The following KIF3C variants were observed in gnomAD, a reference collection of about 807,000 sequenced individuals.
The protein encoded by KIF3C is kinesin family member 3C.
Under a neutral mutation model 67.7 loss-of-function variants are expected in KIF3C, and 12 were observed. That is an observed-to-expected ratio of 0.18 (90% CI 0.11 to 0.29). The LOEUF (loss-of-function observed/expected upper bound fraction) is 0.29. Ranked by LOEUF, KIF3C falls within the 10% of genes least tolerant of loss-of-function variation. KIF3C has a pLI of 1.00. For missense variants in KIF3C, 789 were observed against 1,059.6 expected, an observed-to-expected ratio of 0.74 and a Z score of 3.55; for synonymous variants, 393 against 426.2, an observed-to-expected ratio of 0.92 and a Z score of 0.96.
At chr2:25,964,067 G>C (rs1380724688) in intron 1 of KIF3C, among the ~76,000 whole-genome samples, 2 of 151,990 alleles carry the variant, frequency 1.3e-5, no homozygotes, top group African/African-American at 4.8e-5. Flanking sequence ...CAACACTTTC[G>C]GAGACCTAGG....
intron 1 of KIF3C, among the ~76,000 whole-genome samples, chr2:25,968,239 C>T (rs1664193626): frequency 1.3e-5 from 2 of 152,172 alleles, no homozygotes; most frequent in Non-Finnish European, 1.5e-5. Flanking sequence ...TCTGAGTCTC[C>T]GCCTTGGATG....
At chr2:25,962,484 G>A (rs1385256586) in intron 1 of KIF3C, among the ~76,000 whole-genome samples, 1 of 151,292 alleles carries the variant, frequency 6.6e-6, no homozygotes, top group Non-Finnish European at 1.5e-5. Flanking sequence ...GTTCAAATGA[G>A]TCTCCTGTCT....
intron 4 of KIF3C, among the ~76,000 whole-genome samples, chr2:25,953,654 C>G (rs867859423): frequency 4.7e-5 from 7 of 147,924 alleles, no homozygotes; most frequent in Admixed American, 1.4e-4. Context: ...GCCACTGCGC[C>G]CGGCCTTTTT....
chr2:25,948,590 G>GAGAAAGAGAAAGAA (rs1663504953), intron 5 of KIF3C, among the ~76,000 whole-genome samples: 2 of 148,382 alleles, frequency 1.3e-5, no homozygotes, highest in East Asian at 2.0e-4. Flanking sequence ...TAAAGAAAGG[G>GAGAAAGAGAAAGAA]AGAAAGAGAA....
At chr2:25,960,364 T>TACAGGC (rs1437291531) in intron 1 of KIF3C, among the ~76,000 whole-genome samples, 6 of 152,138 alleles carry the variant, frequency 3.9e-5, no homozygotes, top group Non-Finnish European at 7.4e-5. Context: ...GGGGCATGCA[T>TACAGGC]ATTATTAGCA....
intron 5 of KIF3C, among the ~76,000 whole-genome samples, chr2:25,930,667 A>G (rs2149220822): frequency 6.6e-6 from 1 of 152,226 alleles, no homozygotes; most frequent in South Asian, 2.1e-4. Flanking sequence ...CCTCCCGAGT[A>G]GCTTGGATTA....
chr2:25,977,685 A>C (rs77451757), intron 1 of KIF3C, among the ~76,000 whole-genome samples: 5,369 of 152,264 alleles, frequency 0.035, 169 homozygotes, highest in African/African-American at 0.086. Context: ...CCCTCGTGCT[A>C]ATGATCTCAT....
intron 1 of KIF3C, among the ~76,000 whole-genome samples, chr2:25,978,311 G>A (rs1322565584): frequency 6.6e-6 from 1 of 152,178 alleles, no homozygotes; most frequent in Non-Finnish European, 1.5e-5. Flanking sequence ...CCTTGGGGTT[G>A]TTGGGAGGAT....
In KIF3C at chr2:25,963,160, A is replaced by G. The variant is rs966173768; in HGVS notation, c.1546-6716T>C. Among the ~76,000 whole-genome samples, 649 of 75,910 alleles carry G rather than the reference A, an allele frequency of 8.5e-3. 31 individuals carry two copies. The highest frequency in any genetic ancestry group is 0.035 in the African/African-American group (603 of 17,356). The allele number at this position is 75,910 out of a possible 152,430, so 49.8% of individuals were successfully genotyped here. A position where few individuals can be genotyped will look rare whatever the true frequency, so the allele number is the denominator to read the frequency against. ...TATATGCATATATGTGTGTGTGTGT[A>G]TGTATGTGTGTGTGTATATATATAT... On this transcript the variant is annotated intron_variant, in intron 1 of 7. Transcript: ENST00000264712.
rs757145745 is a variant in KIF3C, at chr2:25,929,307, G to A, written c.2286C>T (p.Ser762=). ...PSTSKVRKSR[S]WCQSPQRPPP... is the part of the protein sequence containing the mutation. ...CCTGGGACCATGGAGGTACTGACCA[G>A]GATCTGGACTTTCGGACTTTAGACG... Residue 762 remains serine (S), a splice_region_variant and synonymous_variant, in exon 7 of 8, where the codon TCC becomes TCT. Transcript: ENST00000264712. 3 of 1,613,834 alleles carry A rather than the reference G, an allele frequency of 1.9e-6. No homozygotes were observed. In the African/African-American group the frequency reaches 4.0e-5, roughly 22 times the overall value.
intron 1 of KIF3C, among the ~76,000 whole-genome samples, chr2:25,965,348 C>T (rs1228527232): frequency 2.0e-5 from 3 of 152,166 alleles, no homozygotes; most frequent in South Asian, 4.1e-4. Context: ...CTCCCATGCT[C>T]GGAAATATGT....
chr2:25,973,804 T>C (rs1035931539), intron 1 of KIF3C, among the ~76,000 whole-genome samples: 3 of 152,166 alleles, frequency 2.0e-5, no homozygotes, highest in Admixed American at 2.0e-4. Flanking sequence ...AGGCCCATGT[T>C]GATTTCAAAG....
intron 1 of KIF3C, among the ~76,000 whole-genome samples, chr2:25,979,744 A>G (rs1664515539): frequency 6.6e-6 from 1 of 152,190 alleles, no homozygotes; most frequent in African/African-American, 2.4e-5. Flanking sequence ...CCAGCTAAGA[A>G]CTGAAACAGC....
intron 1 of KIF3C, among the ~76,000 whole-genome samples, chr2:25,960,922 A>G (rs1055455665): frequency 3.3e-5 from 5 of 152,206 alleles, no homozygotes; most frequent in Admixed American, 6.6e-5. Flanking sequence ...GGCAACAGTG[A>G]GACCCTGTCT....
At position 25,981,312 on chromosome 2, in the gene KIF3C, C is replaced by G; in HGVS notation, c.606G>C (p.Arg202=). The G allele has an allele frequency of 6.2e-7, 1 of 1,614,050 alleles. No homozygotes were observed. Among genetic ancestry groups the G allele is most frequent in the Non-Finnish European group, 8.5e-7 (1 of 1,179,982 alleles). ...CATTCATGTGGGTGCTGCCCACAGC[C>G]CGGGTCTGGTTCCCCAGGTTCATCA... ...EHVMNLGNQT[R]AVGSTHMNEV... is the part of the protein sequence containing the mutation. The change falls in exon 1 of 8, where the codon CGG becomes CGC. Residue 202 remains arginine, a synonymous_variant. Coordinates refer to ENST00000264712, the MANE Select transcript of KIF3C (RefSeq NM_002254.8). This position sits in a 1 kb window ranked among gnomAD's most constrained non-coding sequence, Gnocchi z 8.2.
At chr2:25,952,018 A>C in intron 4 of KIF3C, 113 bp from the exon 5 acceptor site, 1 of 721,910 alleles carries the variant, frequency 1.4e-6, no homozygotes, top group African/African-American at 1.7e-5. Flanking sequence ...GGGGCTGGGC[A>C]CGGTGGCTCA....
intron 3 of KIF3C, among the ~76,000 whole-genome samples, chr2:25,954,741 GC>G (rs11363542): frequency 0.13 from 20,328 of 152,150 alleles, 1,458 homozygotes; most frequent in African/African-American, 0.17. Context: ...CACACAACCA[GC>G]CAATAGAAGA....
chr2:25,974,846 G>C (rs995571919), intron 1 of KIF3C, among the ~76,000 whole-genome samples: 12 of 151,876 alleles, frequency 7.9e-5, no homozygotes, highest in African/African-American at 2.9e-4. Context: ...GACCAACATG[G>C]AGAAACCCCA....
chr2:25,943,581 C>T (rs898835322), intron 5 of KIF3C, among the ~76,000 whole-genome samples: 3 of 152,130 alleles, frequency 2.0e-5, no homozygotes, highest in Non-Finnish European at 4.4e-5. Flanking sequence ...CGGTGGCTCA[C>T]GCCTGTAATA....
Sources: allele counts gnomAD v4.1 joint callset (sites outside exome capture counted in the v4.1 genomes callset), GRCh38; gene constraint gnomAD v4.1.1; non-coding constraint Gnocchi (gnomAD v3.1); transcripts MANE v1.5; gene names NCBI Gene and HGNC (gene_info 2026-07-23, HGNC 2026-07-21).